Variants in ADGRL3 observed in about 807,000 individuals in gnomAD.
The protein encoded by ADGRL3 is adhesion G protein-coupled receptor L3.
ADGRL3 carries 62 observed loss-of-function variants against 153.5 expected under a neutral mutation model. That is an observed-to-expected ratio of 0.40 (90% CI 0.33 to 0.50). ADGRL3 has a LOEUF of 0.50. Ranked by LOEUF, ADGRL3 falls within the 20% of genes least tolerant of loss-of-function variation. The pLI, the probability that ADGRL3 is intolerant of heterozygous loss-of-function variation, is 0.47. For synonymous variants in ADGRL3, 710 were observed against 672.5 expected (o/e 1.06, Z -0.86); for missense variants, 1,641 against 1,859.4 (o/e 0.88, Z 2.16).
intron 17 of ADGRL3, among the ~76,000 whole-genome samples, chr4:61,952,199 G>C (rs575309279): frequency 6.6e-6 from 1 of 152,232 alleles, no homozygotes; most frequent in East Asian, 1.9e-4. Context: ...ATCCAGACCA[G>C]GCGTGGTGGC....
chr4:61,281,377 G>C (rs1287962369), intron 1 of ADGRL3, among the ~76,000 whole-genome samples: 1 of 151,800 alleles, frequency 6.6e-6, no homozygotes, highest in African/African-American at 2.4e-5. Flanking sequence ...CTAACCTTTG[G>C]GTACCCCAAG....
chr4:62,020,499 T>A (rs993784255), intron 21 of ADGRL3, among the ~76,000 whole-genome samples: 3 of 152,124 alleles, frequency 2.0e-5, no homozygotes, highest in African/African-American at 7.2e-5. Context: ...AAGTAAGGTA[T>A]GTCAACTTGC....
rs550172474 is a variant in ADGRL3 at position 62,074,474 on chromosome 4, C to T, written c.*3566C>T. ...GCTCCTAACTGATAAATATTTGCGG[C>T]AAAGTCCAAATTTTGTGAAGGAGAA... On this transcript the variant is annotated 3_prime_UTR_variant, in exon 27 of 27. Transcript: ENST00000683033. The T allele has an allele frequency of 6.6e-6, 1 of 152,182 alleles. No homozygotes were observed. The highest frequency in any genetic ancestry group is 2.1e-4 in the South Asian group (1 of 4,820). The allele number at this position is 152,182 out of a possible 1,614,324, so 9.4% of individuals were successfully genotyped here.
intron 9 of ADGRL3, among the ~76,000 whole-genome samples, chr4:61,857,174 C>T (rs1207116353): frequency 2.0e-5 from 3 of 151,372 alleles, no homozygotes; most frequent in Non-Finnish European, 4.4e-5. Context: ...TCAAACAATT[C>T]TCCCACCACA....
chr4:62,054,960 A>G (rs1426488887), intron 25 of ADGRL3, among the ~76,000 whole-genome samples: 1 of 151,744 alleles, frequency 6.6e-6, no homozygotes. Context: ...TGTCAGTCTG[A>G]CAATGCTAAA....
intron 4 of ADGRL3, among the ~76,000 whole-genome samples, chr4:61,531,731 G>T (rs2098617322): frequency 6.8e-6 from 1 of 147,448 alleles, no homozygotes; most frequent in Non-Finnish European, 1.5e-5. Flanking sequence ...GATGCTTGTT[G>T]TAATAGAATT....
intron 5 of ADGRL3, among the ~76,000 whole-genome samples, chr4:61,641,291 ATTT>A (rs1190994088): frequency 3.3e-5 from 5 of 151,166 alleles, no homozygotes; most frequent in Non-Finnish European, 7.4e-5. Context: ...TTATTTATTT[ATTT>A]TTTATTTATT....
intron 1 of ADGRL3, among the ~76,000 whole-genome samples, chr4:61,364,372 CA>C (rs1438906055): frequency 6.6e-6 from 1 of 150,696 alleles, no homozygotes; most frequent in African/African-American, 2.4e-5. Flanking sequence ...TTTTAAAAAT[CA>C]TGAAATATGA....
At chr4:61,727,043 A>G (rs1033014728) in intron 6 of ADGRL3, among the ~76,000 whole-genome samples, 4 of 152,192 alleles carry the variant, frequency 2.6e-5, no homozygotes, top group Non-Finnish European at 4.4e-5. Flanking sequence ...GTACATACCT[A>G]TGCTCTCTGA....
intron 6 of ADGRL3, among the ~76,000 whole-genome samples, chr4:61,711,116 A>C (rs1436426676): frequency 1.3e-5 from 2 of 152,094 alleles, no homozygotes; most frequent in Non-Finnish European, 2.9e-5. Flanking sequence ...GGGAGAACCA[A>C]TCCCAAGATA....
intron 2 of ADGRL3, among the ~76,000 whole-genome samples, chr4:61,469,005 G>T (rs916328153): frequency 1.3e-5 from 2 of 151,962 alleles, no homozygotes; most frequent in African/African-American, 4.8e-5. Flanking sequence ...TAGACTGTAC[G>T]CTCTACTTGT....
intron 2 of ADGRL3, among the ~76,000 whole-genome samples, chr4:61,454,684 G>GAT (rs536349202): frequency 1.9e-4 from 28 of 151,264 alleles, no homozygotes; most frequent in Middle Eastern, 3.4e-3. Flanking sequence ...AATATTACAT[G>GAT]ATATATATAT....
chr4:61,984,030 G>C (rs2099077309), intron 19 of ADGRL3, among the ~76,000 whole-genome samples: 1 of 152,170 alleles, frequency 6.6e-6, no homozygotes, highest in Admixed American at 6.5e-5. Flanking sequence ...AAAGAGTATA[G>C]GAGCAGGGAC....
At chr4:61,691,459 G>C (rs2095538376) in intron 6 of ADGRL3, among the ~76,000 whole-genome samples, 1 of 151,986 alleles carries the variant, frequency 6.6e-6, no homozygotes, top group South Asian at 2.1e-4. Context: ...ATGGATATTG[G>C]AGTTAAAGAG....
chr4:61,264,633 A>G (rs1231716953), intron 1 of ADGRL3, among the ~76,000 whole-genome samples: 7 of 151,998 alleles, frequency 4.6e-5, no homozygotes, highest in Non-Finnish European at 8.8e-5. Context: ...TTGTTAATTT[A>G]TAATGGTAAA....
At chr4:61,484,292 C>T (rs1459728472) in intron 2 of ADGRL3, among the ~76,000 whole-genome samples, 1 of 152,112 alleles carries the variant, frequency 6.6e-6, no homozygotes, top group Non-Finnish European at 1.5e-5. Context: ...TCCGTTTTGA[C>T]TACCAATTAA....
At position 61,602,237 on chromosome 4, in the gene ADGRL3, C is replaced by T. The variant is rs182747128; in HGVS notation, c.473+14797C>T. Among the ~76,000 whole-genome samples the T allele has an allele frequency of 5.9e-5, 9 of 152,118 alleles. No homozygotes were observed. In the East Asian group the frequency reaches 1.2e-3, roughly 20 times the overall value. On this transcript the variant is annotated intron_variant, in intron 5 of 26. Transcript: ENST00000683033. ...CAGTTTCAAGACTCAGTAAGTCCAA[C>T]GAAAAGCCTCTTTATCCCTACTTTT... is the stretch of plus-strand genomic sequence containing the variant.
intron 1 of ADGRL3, among the ~76,000 whole-genome samples, chr4:61,242,139 T>C (rs1755218197): frequency 6.6e-6 from 1 of 152,036 alleles, no homozygotes; most frequent in African/African-American, 2.4e-5. Flanking sequence ...GAGCATTATC[T>C]TTCACCCCAT....
At chr4:61,793,805 T>C (rs2097373151) in intron 8 of ADGRL3, among the ~76,000 whole-genome samples, 1 of 152,134 alleles carries the variant, frequency 6.6e-6, no homozygotes, top group Non-Finnish European at 1.5e-5. Flanking sequence ...TTGATGAAAC[T>C]TACCTTGAGA....
Sources: allele counts gnomAD v4.1 joint callset (sites outside exome capture counted in the v4.1 genomes callset), GRCh38; gene constraint gnomAD v4.1.1; transcripts MANE v1.5; gene names NCBI Gene and HGNC (gene_info 2026-07-23, HGNC 2026-07-21).